Variants in PHF14 observed in about 807,000 individuals in gnomAD.
PHF14 encodes the protein PHD finger protein 14.
In PHF14, 55 loss-of-function variants were observed where a neutral mutation model predicts 117.9. The observed-to-expected ratio is 0.47, with a 90% CI of 0.38 to 0.58. The LOEUF (loss-of-function observed/expected upper bound fraction) is 0.58, where lower values mean the gene tolerates loss of function less well. PHF14 is among the 20% of genes least tolerant of loss of function. The pLI is 0.00. For missense variants in PHF14, 978 were observed against 1,122.2 expected (o/e 0.87, Z 1.84); for synonymous variants, 409 against 368.6 (o/e 1.11, Z -1.26).
At chr7:11,151,394 A>G (rs1242227213) in intron 17 of PHF14, among the ~76,000 whole-genome samples, 1 of 152,040 alleles carries the variant, frequency 6.6e-6, no homozygotes, top group Non-Finnish European at 1.5e-5. Context: ...CCCTCTCTAT[A>G]AAAAATAAAA....
chr7:11,013,698 C>T, intron 4 of PHF14, 49 bp from the exon 5 acceptor site: 1 of 1,067,940 alleles, frequency 9.4e-7, no homozygotes, highest in South Asian at 2.0e-5. Flanking sequence ...TTTTATGTGA[C>T]TTTAACAAAA....
intron 17 of PHF14, among the ~76,000 whole-genome samples, chr7:11,166,735 A>G (rs537019302): frequency 1.8e-4 from 28 of 152,288 alleles, no homozygotes; most frequent in African/African-American, 6.3e-4. Context: ...GGTTACAGCT[A>G]TCCTTCTAAA....
intron 16 of PHF14, among the ~76,000 whole-genome samples, chr7:11,069,798 C>T (rs1482783984): frequency 6.6e-6 from 1 of 151,210 alleles, no homozygotes; most frequent in African/African-American, 2.4e-5. Flanking sequence ...GCTGGAATTA[C>T]CACCGTGGCT....
intron 17 of PHF14, among the ~76,000 whole-genome samples, chr7:11,129,939 T>C (rs1274401494): frequency 6.6e-6 from 1 of 151,936 alleles, no homozygotes; most frequent in Non-Finnish European, 1.5e-5. Flanking sequence ...AACATTTCAA[T>C]AGAATTATAA....
At chr7:11,082,071 C>T (rs1288131404) in intron 16 of PHF14, among the ~76,000 whole-genome samples, 2 of 149,166 alleles carry the variant, frequency 1.3e-5, no homozygotes, top group Non-Finnish European at 3.0e-5. Context: ...AATTTGAGTG[C>T]AGTGGCTCAC....
At chr7:11,076,003 G>T (rs542432239) in intron 16 of PHF14, among the ~76,000 whole-genome samples, 2 of 152,292 alleles carry the variant, frequency 1.3e-5, no homozygotes, top group East Asian at 3.9e-4. Context: ...GCCGGGCATG[G>T]TGGCGGGCGC....
intron 16 of PHF14, among the ~76,000 whole-genome samples, chr7:11,096,226 C>T (rs1317668680): frequency 6.6e-6 from 1 of 151,958 alleles, no homozygotes; most frequent in African/African-American, 2.4e-5. Context: ...CATTTAGGGC[C>T]ATCCATGTAT....
chr7:11,031,384 AGCATGTTATGACACAACAT>A (rs1661141786), intron 7 of PHF14, among the ~76,000 whole-genome samples: 1 of 152,162 alleles, frequency 6.6e-6, no homozygotes, highest in East Asian at 1.9e-4. Flanking sequence ...GAATAGTCAA[AGCATGTTATGACACAACAT>A]GCTTTATTAG....
chr7:11,156,748 C>A (rs992228615), intron 17 of PHF14, among the ~76,000 whole-genome samples: 1 of 151,882 alleles, frequency 6.6e-6, no homozygotes, highest in Non-Finnish European at 1.5e-5. Context: ...GAGCAGAAGT[C>A]GTGCCATTGC....
chr7:11,068,892 T>C (rs897846407), intron 16 of PHF14, among the ~76,000 whole-genome samples: 11 of 152,172 alleles, frequency 7.2e-5, no homozygotes, highest in African/African-American at 2.4e-4. Flanking sequence ...AGATAGTCTT[T>C]ATTTTTTCTC....
intron 16 of PHF14, among the ~76,000 whole-genome samples, chr7:11,110,738 T>C (rs1787416521): frequency 6.6e-6 from 1 of 152,010 alleles, no homozygotes; most frequent in Admixed American, 6.6e-5. Flanking sequence ...AAATGTTCTG[T>C]TTTTTAACAT....
Position 11,159,925 on chromosome 7 carries a change from T to C in PHF14, c.2773-9491T>C, listed in dbSNP as rs543211190. On this transcript the variant is annotated intron_variant, in intron 17 of 17. Coordinates refer to ENST00000634607, the MANE Select transcript of PHF14 (RefSeq NM_001007157.2). ...AACTTAATAAAAAGGTTTTCAACTTTTATTTTAGATTCAAGAGGTACATGG... is the reference window on the plus strand; with the variant it reads ...AACTTAATAAAAAGGTTTTCAACTTCTATTTTAGATTCAAGAGGTACATGG... 2.6e-4 allele frequency among the ~76,000 whole-genome samples: 39 copies of C among 152,310 alleles called. No individual in the cohort carries two copies. The South Asian group carries it at 8.1e-3, about 32-fold the overall frequency.
intron 13 of PHF14, among the ~76,000 whole-genome samples, chr7:11,048,414 A>T (rs1784746252): frequency 6.6e-6 from 1 of 152,120 alleles, no homozygotes; most frequent in Non-Finnish European, 1.5e-5. Flanking sequence ...TGTACTAAAA[A>T]TACAAAAATT....
chr7:11,110,812 T>TA (rs1787418627), intron 16 of PHF14, among the ~76,000 whole-genome samples: 1 of 152,072 alleles, frequency 6.6e-6, no homozygotes, highest in Non-Finnish European at 1.5e-5. Flanking sequence ...AAAGTTCACT[T>TA]ACAATCTACT....
At chr7:11,001,918 C>T (rs1562412609) in intron 4 of PHF14, among the ~76,000 whole-genome samples, 1 of 152,174 alleles carries the variant, frequency 6.6e-6, no homozygotes. Context: ...ATCCTTGCCT[C>T]ATACCTCATC....
At chr7:11,167,121 G>A (rs1209873128) in intron 17 of PHF14, among the ~76,000 whole-genome samples, 1 of 152,088 alleles carries the variant, frequency 6.6e-6, no homozygotes, top group African/African-American at 2.4e-5. Flanking sequence ...AGTCCTTGGG[G>A]TTATTAAGTC....
chr7:11,139,253 ATAATTTTGTTTGTTGTTTC>A (rs1372728841), intron 17 of PHF14, among the ~76,000 whole-genome samples: 4 of 152,110 alleles, frequency 2.6e-5, no homozygotes, highest in Non-Finnish European at 5.9e-5. Flanking sequence ...AAATGTTTAA[ATAATTTTGTTTGTTGTTTC>A]TAAAAATTAG....
chr7:11,113,412 A>C (rs1254931082), intron 17 of PHF14, among the ~76,000 whole-genome samples: 4 of 152,164 alleles, frequency 2.6e-5, no homozygotes, highest in Admixed American at 2.6e-4. Context: ...TTAGGAAGGC[A>C]CATTGTTAGA....
At chr7:11,026,051 A>G (rs143947204) in intron 6 of PHF14, among the ~76,000 whole-genome samples, 1,800 of 150,648 alleles carry the variant, frequency 0.012, 40 homozygotes, top group African/African-American at 0.042. Flanking sequence ...GGTGTAGGTT[A>G]CAGTGAGCCG....
Sources: allele counts gnomAD v4.1 joint callset (sites outside exome capture counted in the v4.1 genomes callset), GRCh38; gene constraint gnomAD v4.1.1; transcripts MANE v1.5; gene names NCBI Gene and HGNC (gene_info 2026-07-23, HGNC 2026-07-21).